Variants in CTNNA3 observed in about 807,000 individuals in gnomAD.
CTNNA3 encodes catenin alpha 3.
Under a neutral mutation model 95.7 loss-of-function variants are expected in CTNNA3, and 76 were observed. That is an observed-to-expected ratio of 0.79 (90% CI 0.66 to 0.96). The LOEUF (loss-of-function observed/expected upper bound fraction) is 0.96. Ranked by LOEUF, CTNNA3 falls within the 40% of genes least tolerant of loss-of-function variation. The pLI is 0.00. For synonymous variants in CTNNA3, 431 were observed against 374.4 expected (o/e 1.15, Z -1.74); for missense variants, 1,191 against 1,089.8 (o/e 1.09, Z -1.31).
chr10:67,686,027 T>C (rs1840724595), intron 1 of CTNNA3, among the ~76,000 whole-genome samples: 1 of 152,218 alleles, frequency 6.6e-6, no homozygotes. Context: ...GTTTTGGCAG[T>C]CTTATACTCC....
chr10:67,479,784 T>C (rs1433667953), intron 5 of CTNNA3, among the ~76,000 whole-genome samples: 2 of 151,714 alleles, frequency 1.3e-5, no homozygotes, highest in African/African-American at 4.8e-5. Context: ...ATACAAAGGA[T>C]CAGTGAAACC....
chr10:67,319,037 C>A (rs1841190330), intron 5 of CTNNA3, among the ~76,000 whole-genome samples: 1 of 152,154 alleles, frequency 6.6e-6, no homozygotes, highest in East Asian at 1.9e-4. Context: ...TTTATGCTGA[C>A]CATCTGCTTT....
Position 67,451,576 on chromosome 10 carries a change from C to A in CTNNA3, c.579+70266G>T, listed in dbSNP as rs1339664371. On this transcript the variant is annotated intron_variant, in intron 5 of 17. Transcript: ENST00000433211. ...ACATCTAGCAAAAAGACATATGAAGCAGGTTCTGGCTCTTATCCTAGATTC... is the reference window on the plus strand; with the variant it reads ...ACATCTAGCAAAAAGACATATGAAGAAGGTTCTGGCTCTTATCCTAGATTC... Among the ~76,000 whole-genome samples the A allele has an allele frequency of 2.0e-5, 3 of 152,120 alleles. No homozygotes were observed. The East Asian group carries it at 5.8e-4, about 29-fold the overall frequency.
At chr10:66,160,282 G>C (rs559416895) in intron 13 of CTNNA3, among the ~76,000 whole-genome samples, 1 of 151,830 alleles carries the variant, frequency 6.6e-6, no homozygotes. Flanking sequence ...ATATCAGTTT[G>C]TGCTCTTTCA....
intron 5 of CTNNA3, among the ~76,000 whole-genome samples, chr10:67,413,827 A>G (rs1845458364): frequency 6.6e-6 from 1 of 152,312 alleles, no homozygotes; most frequent in Admixed American, 6.5e-5. Context: ...TTATTCCTGA[A>G]TAACTCCTGG....
intron 17 of CTNNA3, among the ~76,000 whole-genome samples, chr10:65,950,346 T>G (rs879128982): frequency 1.3e-5 from 2 of 152,200 alleles, no homozygotes; most frequent in African/African-American, 4.8e-5. Flanking sequence ...ATACATGCCT[T>G]TATAGATTTT....
intron 4 of CTNNA3, among the ~76,000 whole-genome samples, chr10:67,532,710 A>T (rs745753204): frequency 6.6e-6 from 1 of 152,200 alleles, no homozygotes; most frequent in Non-Finnish European, 1.5e-5. Context: ...CAAGGAGAAG[A>T]AAGATGGGAC....
At chr10:66,975,773 A>C (rs1010241390) in intron 7 of CTNNA3, among the ~76,000 whole-genome samples, 10 of 152,248 alleles carry the variant, frequency 6.6e-5, no homozygotes, top group African/African-American at 2.4e-4. Context: ...TCCTCTATTT[A>C]GCACTCCTTT....
Position 67,180,317 on chromosome 10 carries a change from G to A in CTNNA3, c.1047C>T (p.Asn349=), listed in dbSNP as rs60262757. ...ATGGGAAGGCAAACCAGTCACCTAC[G>A]TTGTTCATGTACTCTGAAAGCAGAT... ...LQDLLSEYMN[N]AGKKERSNTL... Residue 349 remains asparagine (N), a splice_region_variant and synonymous_variant, in exon 7 of 18, where the codon AAC becomes AAT. Coordinates refer to ENST00000433211, the MANE Select transcript of CTNNA3 (RefSeq NM_013266.4). 1.3e-3 allele frequency: 2,043 copies of A among 1,612,936 alleles called. 31 individuals are homozygous for A. In the African/African-American group the frequency reaches 0.024, roughly 19 times the overall value.
chr10:67,750,449 G>C, intron 1 of CTNNA3: 1 of 1,500,504 alleles, frequency 6.7e-7, no homozygotes, highest in South Asian at 1.1e-5. Flanking sequence ...ACATGAGGTG[G>C]GGGAAGCCAT....
intron 3 of CTNNA3, among the ~76,000 whole-genome samples, chr10:67,599,615 G>A (rs566888209): frequency 6.6e-6 from 1 of 152,160 alleles, no homozygotes; most frequent in South Asian, 2.1e-4. Flanking sequence ...AGACTGGAGA[G>A]GGCAGAAAGA....
chr10:66,394,472 T>A (rs2132539020), intron 11 of CTNNA3, among the ~76,000 whole-genome samples: 1 of 150,996 alleles, frequency 6.6e-6, no homozygotes, highest in African/African-American at 2.4e-5. Context: ...ACTACTGAGC[T>A]TTTTCATGTT....
At chr10:65,992,689 A>G (rs970871784) in intron 15 of CTNNA3, among the ~76,000 whole-genome samples, 2 of 151,902 alleles carry the variant, frequency 1.3e-5, no homozygotes, top group Admixed American at 1.3e-4. Context: ...TCACAAAACC[A>G]ATTTGTTGCT....
At chr10:66,766,227 C>A (rs536864676) in intron 9 of CTNNA3, 37 bp downstream of exon 9, 358 of 1,602,534 alleles carry the variant, frequency 2.2e-4, no homozygotes, top group Non-Finnish European at 2.4e-4. Context: ...GCCTCATTCT[C>A]CTGGACTTTA....
chr10:67,726,040 T>G (rs1361468012), intron 1 of CTNNA3, among the ~76,000 whole-genome samples: 1 of 132,302 alleles, frequency 7.6e-6, no homozygotes, highest in African/African-American at 2.8e-5. Context: ...GGAATTCTAT[T>G]ATATACAATT....
intron 9 of CTNNA3, among the ~76,000 whole-genome samples, chr10:66,693,133 G>T (rs1038889792): frequency 2.6e-5 from 4 of 152,076 alleles, no homozygotes; most frequent in African/African-American, 9.7e-5. Context: ...AAATGTAAAT[G>T]GACTAGATGC....
intron 13 of CTNNA3, among the ~76,000 whole-genome samples, chr10:66,198,060 G>A (rs1207879741): frequency 2.6e-5 from 4 of 152,136 alleles, no homozygotes; most frequent in Non-Finnish European, 5.9e-5. Flanking sequence ...GAGACTAACT[G>A]TACATCTGAT....
At chr10:66,952,306 AC>A (rs746655976) in intron 7 of CTNNA3, among the ~76,000 whole-genome samples, 2 of 152,200 alleles carry the variant, frequency 1.3e-5, no homozygotes, top group African/African-American at 4.8e-5. Flanking sequence ...TTGAAAAGAG[AC>A]AGATGTCACT....
intron 5 of CTNNA3, among the ~76,000 whole-genome samples, chr10:67,486,524 C>G (rs938242452): frequency 6.6e-6 from 1 of 152,128 alleles, no homozygotes; most frequent in South Asian, 2.1e-4. Context: ...TGCTTCCCTA[C>G]CATACTTTGG....
Sources: allele counts gnomAD v4.1 joint callset (sites outside exome capture counted in the v4.1 genomes callset), GRCh38; gene constraint gnomAD v4.1.1; transcripts MANE v1.5; gene names NCBI Gene and HGNC (gene_info 2026-07-23, HGNC 2026-07-21).